Variants in OPHN1 observed in about 807,000 individuals in gnomAD.
OPHN1 encodes oligophrenin-1.
In OPHN1, 11 loss-of-function variants were observed where a neutral mutation model predicts 60.7. That is an observed-to-expected ratio of 0.18 (90% confidence interval 0.11 to 0.30). OPHN1 has a LOEUF of 0.30. OPHN1 is among the 10% of genes least tolerant of loss of function. The probability of loss-of-function intolerance (pLI) is 1.00; values close to 1 mark genes in which losing one functional copy is unlikely to be tolerated. For missense variants in OPHN1, 449 were observed against 611.0 expected (o/e 0.73, Z 2.80); for synonymous variants, 226 against 222.6 (o/e 1.02, Z -0.14).
chrX:68,229,134 C>A (rs1413569727), intron 6 of OPHN1, among the ~76,000 whole-genome samples: 1 of 111,118 alleles, frequency 9.0e-6, no homozygotes, highest in Non-Finnish European at 1.9e-5. Flanking sequence ...AAACAGAGAG[C>A]CAAATCATGA....
chrX:68,320,898 A>T (rs971508935), intron 2 of OPHN1, among the ~76,000 whole-genome samples: 4 of 111,569 alleles, frequency 3.6e-5, no homozygotes, highest in African/African-American at 1.3e-4. Context: ...ATGTTTACTG[A>T]TTTATTATAA....
At chrX:68,350,490 C>T (rs2078403965) in intron 2 of OPHN1, among the ~76,000 whole-genome samples, 2 of 82,637 alleles carry the variant, frequency 2.4e-5, no homozygotes, top group African/African-American at 9.4e-5. Flanking sequence ...CTCCCTTCCT[C>T]CCTTCCTCCT....
chrX:68,282,471 G>A (rs1192871429), intron 4 of OPHN1, among the ~76,000 whole-genome samples: 11 of 111,576 alleles, frequency 9.9e-5, no homozygotes, highest in Admixed American at 9.6e-4. Flanking sequence ...ACACTGTAAT[G>A]GTGGATACAT....
chrX:68,394,990 C>G (rs1049654426), intron 2 of OPHN1, among the ~76,000 whole-genome samples: 2 of 109,229 alleles, frequency 1.8e-5, no homozygotes, highest in Admixed American at 2.0e-4. Context: ...GAGTCTTGCT[C>G]TGTTGCCCAG....
intron 2 of OPHN1, among the ~76,000 whole-genome samples, chrX:68,384,779 G>A (rs1047340005): frequency 9.0e-6 from 1 of 111,380 alleles, no homozygotes; most frequent in African/African-American, 3.3e-5. Flanking sequence ...AGAGTTAGAG[G>A]CCATTATTCT....
At chrX:68,167,518 T>A (rs1191767583) in intron 15 of OPHN1, among the ~76,000 whole-genome samples, 1 of 109,589 alleles carries the variant, frequency 9.1e-6, no homozygotes, top group Admixed American at 9.8e-5. Context: ...TGTATATATG[T>A]GTGTGTGTGT....
At position 68,301,685 on chromosome X, in the gene OPHN1, C is replaced by T. The variant is rs139238658; in HGVS notation, c.155-2589G>A. Among the ~76,000 whole-genome samples, 6 of 111,515 alleles carry T rather than the reference C, an allele frequency of 5.4e-5. No individual in the cohort carries two copies. In the East Asian group the frequency reaches 1.7e-3, roughly 31 times the overall value. On this transcript the variant is annotated intron_variant, in intron 2 of 24. Coordinates refer to ENST00000355520, the MANE Select transcript of OPHN1 (RefSeq NM_002547.3). ...TCATTTTAAATTCACTACATCACTC[C>T]AAACAATGTGAACTCATCATTTTAT... is the stretch of plus-strand genomic sequence containing the variant.
intron 19 of OPHN1, among the ~76,000 whole-genome samples, chrX:68,095,869 T>C (rs2077036546): frequency 8.9e-6 from 1 of 111,984 alleles, no homozygotes; most frequent in South Asian, 3.7e-4. Context: ...CTGGGCATCA[T>C]TTTCTGACTC....
At chrX:68,110,084 G>T (rs2077097899) in intron 18 of OPHN1, among the ~76,000 whole-genome samples, 1 of 109,146 alleles carries the variant, frequency 9.2e-6, no homozygotes, top group Non-Finnish European at 1.9e-5. Flanking sequence ...GTGTAGATTT[G>T]TTAGGTACTG....
chrX:68,282,228 CTT>C lies in OPHN1; in HGVS notation c.312+826_312+827del, dbSNP rs1458594191. Among the ~76,000 whole-genome samples, 580 of 112,017 alleles carry C rather than the reference CTT, an allele frequency of 5.2e-3. 4 individuals are homozygous for C. The highest frequency in any genetic ancestry group is 0.018 in the African/African-American group (551 of 30,885). ...TGGTAAATCATACAATGGGATATTA[CTT>C]AATGATAAAAATAAATGACAGGAAA... On this transcript the variant is annotated intron_variant, in intron 4 of 24. Coordinates refer to ENST00000355520, the MANE Select transcript of OPHN1 (RefSeq NM_002547.3).
intron 2 of OPHN1, among the ~76,000 whole-genome samples, chrX:68,317,384 G>A (rs200034823): frequency 0.081 from 2,064 of 25,589 alleles, 36 homozygotes; most frequent in East Asian, 0.19. Context: ...AGAAAGGAAG[G>A]AAGGAAGGAA....
At chrX:68,426,552 T>TTATATATATATATA (rs765336463) in intron 2 of OPHN1, among the ~76,000 whole-genome samples, 3 of 16,188 alleles carry the variant, frequency 1.9e-4, no homozygotes, top group South Asian at 3.3e-3. Flanking sequence ...GACATCTGTT[T>TTATATATATATATA]TATATATATA....
At chrX:68,267,342 T>C (rs1259566524) in intron 5 of OPHN1, among the ~76,000 whole-genome samples, 1 of 111,914 alleles carries the variant, frequency 8.9e-6, no homozygotes, top group African/African-American at 3.3e-5. Context: ...CAGACCACAG[T>C]GCAATCAAAC....
intron 2 of OPHN1, among the ~76,000 whole-genome samples, chrX:68,335,388 A>T (rs1246535735): frequency 8.9e-6 from 1 of 111,894 alleles, no homozygotes; most frequent in Non-Finnish European, 1.9e-5. Context: ...CCTTTGCAGG[A>T]ATGTCCATTG....
chrX:68,165,201 C>T (rs756645027), intron 15 of OPHN1, among the ~76,000 whole-genome samples: 18 of 111,744 alleles, frequency 1.6e-4, no homozygotes, highest in Non-Finnish European at 3.0e-4. Context: ...AACTTTTTAG[C>T]AAAAAACAGT....
At chrX:68,363,783 G>T (rs2078485487) in intron 2 of OPHN1, among the ~76,000 whole-genome samples, 1 of 110,834 alleles carries the variant, frequency 9.0e-6, no homozygotes, top group African/African-American at 3.3e-5. Context: ...ATATATATGG[G>T]TATAATGACA....
chrX:68,414,529 G>GT (rs747484735), intron 2 of OPHN1, among the ~76,000 whole-genome samples: 22 of 112,069 alleles, frequency 2.0e-4, no homozygotes, highest in African/African-American at 6.1e-4. Context: ...TCATAAGTAT[G>GT]TTTTTTTAAA....
chrX:68,142,754 C>A (rs1282531752), intron 15 of OPHN1, among the ~76,000 whole-genome samples: 1 of 111,948 alleles, frequency 8.9e-6, no homozygotes, highest in Non-Finnish European at 1.9e-5. Context: ...AGGTTGCAGT[C>A]AGCACTCGAA....
intron 20 of OPHN1, chrX:68,071,414 G>A: frequency 1.3e-6 from 1 of 797,738 alleles, no homozygotes; most frequent in Non-Finnish European, 1.9e-6. Flanking sequence ...AGGTTCTCCA[G>A]CAGGATGACA....
Sources: gnomAD v4.1 joint callset for allele counts (sites outside exome capture counted in the v4.1 genomes callset) on GRCh38, gnomAD v4.1.1 for gene constraint, MANE v1.5 for transcripts, NCBI Gene and HGNC (gene_info 2026-07-23, HGNC 2026-07-21) for gene names.